Variants in PEX5L observed in about 807,000 individuals in gnomAD.
PEX5L encodes peroxisomal biogenesis factor 5 like.
Under a neutral mutation model 84.0 loss-of-function variants are expected in PEX5L, and 30 were observed. The ratio of observed to expected loss-of-function variants is 0.36; its 90% confidence interval spans 0.27 to 0.48. The LOEUF (loss-of-function observed/expected upper bound fraction) is 0.48, where lower values mean the gene tolerates loss of function less well. PEX5L is among the 20% of genes least tolerant of loss of function. The pLI is 0.99. For missense variants in PEX5L, 533 were observed against 754.6 expected (o/e 0.71, Z 3.44); for synonymous variants, 270 against 283.1 (o/e 0.95, Z 0.46).
intron 2 of PEX5L, among the ~76,000 whole-genome samples, chr3:179,911,227 T>G (rs1386612508): frequency 6.6e-6 from 1 of 152,184 alleles, no homozygotes; most frequent in Non-Finnish European, 1.5e-5. Flanking sequence ...TCTCGTGTGT[T>G]ATTCTGTTTG....
chr3:179,931,738 T>C (rs1350614172), intron 2 of PEX5L, among the ~76,000 whole-genome samples: 1 of 152,206 alleles, frequency 6.6e-6, no homozygotes, highest in African/African-American at 2.4e-5. Flanking sequence ...TTAACTCGAA[T>C]GTTAACCAGA....
Position 179,986,147 on chromosome 3 carries a change from C to T in PEX5L, c.22-14482G>A, listed in dbSNP as rs1028866134. Among the ~76,000 whole-genome samples, 73 of 148,068 alleles carry T rather than the reference C, an allele frequency of 4.9e-4. 1 individual carries two copies. Among genetic ancestry groups the T allele is most frequent in the Admixed American group, 4.8e-4 (7 of 14,724 alleles). ...TAATAATAACTGACATTGATAGGAA[C>T]AATCTCATGTAATTTAAAATATATA... is the stretch of plus-strand genomic sequence containing the variant. On this transcript the variant is annotated intron_variant, in intron 1 of 14. Coordinates refer to ENST00000467460, the MANE Select transcript of PEX5L (RefSeq NM_016559.3).
intron 8 of PEX5L, among the ~76,000 whole-genome samples, chr3:179,831,450 A>C (rs994842351): frequency 1.7e-4 from 26 of 152,182 alleles, no homozygotes; most frequent in African/African-American, 6.0e-4. Flanking sequence ...CAAAGTAATC[A>C]TATTACACTT....
At chr3:179,949,878 A>G (rs984463097) in intron 2 of PEX5L, among the ~76,000 whole-genome samples, 1 of 152,164 alleles carries the variant, frequency 6.6e-6, no homozygotes, top group Non-Finnish European at 1.5e-5. Flanking sequence ...CTACCTTAAG[A>G]GGGCTGGCAA....
chr3:179,950,876 C>T (rs531374979), intron 2 of PEX5L, among the ~76,000 whole-genome samples: 11 of 152,230 alleles, frequency 7.2e-5, no homozygotes, highest in Middle Eastern at 3.4e-3. Flanking sequence ...TATTCTGAAA[C>T]GGAGACGTAA....
rs1199146361 is a variant in PEX5L at position 179,942,013 on chromosome 3, T to G, written c.93+29581A>C. Among the ~76,000 whole-genome samples the G allele has an allele frequency of 5.4e-5, 3 of 55,488 alleles. No homozygotes were observed. In the Admixed American group the frequency reaches 7.1e-4, roughly 13 times the overall value. The allele number at this position is 55,488 out of a possible 152,430, so 36.4% of individuals were successfully genotyped here. The stretch of plus-strand genomic sequence containing the variant: ...TCCAACCTGGGTGACAGAGTGAGAC[T>G]CCTCAAAAAAAAAAAAAAAAAAAGA... On this transcript the variant is annotated intron_variant, in intron 2 of 14. Coordinates refer to ENST00000467460, the MANE Select transcript of PEX5L (RefSeq NM_016559.3).
chr3:179,945,138 G>C (rs775269459), intron 2 of PEX5L, among the ~76,000 whole-genome samples: 1 of 152,156 alleles, frequency 6.6e-6, no homozygotes. Context: ...TAATCGTATA[G>C]AGCCAAGTTT....
rs142151386 is a variant in PEX5L at position 179,887,839 on chromosome 3, T to G, written c.199-55A>C. On this transcript the variant is annotated intron_variant, in intron 3 of 14. Coordinates refer to ENST00000467460, the MANE Select transcript of PEX5L (RefSeq NM_016559.3). ...GGCTTTGTTAAACTGCAGAGTCAGA[T>G]GAATTAAAATGCAGCCTTGCAACAA... The G allele has an allele frequency of 2.5e-4, 283 of 1,117,094 alleles. 4 individuals carry two copies. The highest frequency in any genetic ancestry group is 2.3e-3 in the South Asian group (174 of 76,860). The allele number at this position is 1,117,094 out of a possible 1,614,324, so 69.2% of individuals were successfully genotyped here. A position where few individuals can be genotyped will look rare whatever the true frequency, so the allele number is the denominator to read the frequency against.
rs140923721 is a variant in PEX5L at position 179,895,039 on chromosome 3, T to C, written c.198+3103A>G. Among the ~76,000 whole-genome samples, 228 of 152,242 alleles carry C rather than the reference T, an allele frequency of 1.5e-3. 1 individual carries two copies. The highest frequency in any genetic ancestry group is 5.4e-3 in the African/African-American group (223 of 41,544). On this transcript the variant is annotated intron_variant, in intron 3 of 14. Coordinates refer to ENST00000467460, the MANE Select transcript of PEX5L (RefSeq NM_016559.3). Reference sequence around the variant, plus strand: ...CTCAAATTGAATTTGTTTATACTATTACCCTTTAGAATAGAATATTCTGTT... The same window carrying C: ...CTCAAATTGAATTTGTTTATACTATCACCCTTTAGAATAGAATATTCTGTT...
In PEX5L at chr3:179,826,424, C is replaced by G. The variant is rs555614096; in HGVS notation, c.823-6448G>C. Reference sequence around the variant, plus strand: ...CACATGATTATATCTGTGTTCTTGGCTCCTGTGGTATTTGCCTTCACAAAA... The same window carrying G: ...CACATGATTATATCTGTGTTCTTGGGTCCTGTGGTATTTGCCTTCACAAAA... On this transcript the variant is annotated intron_variant, in intron 8 of 14. Coordinates refer to ENST00000467460, the MANE Select transcript of PEX5L (RefSeq NM_016559.3). Among the ~76,000 whole-genome samples, 59 of 152,266 alleles carry G rather than the reference C, an allele frequency of 3.9e-4. 1 individual carries two copies. The highest frequency in any genetic ancestry group is 1.4e-3 in the African/African-American group (58 of 41,558).
chr3:179,915,268 T>C (rs913486496), intron 2 of PEX5L, among the ~76,000 whole-genome samples: 2 of 152,174 alleles, frequency 1.3e-5, no homozygotes, highest in African/African-American at 4.8e-5. Context: ...CCAGAATCCA[T>C]AGAAATCTTG....
intron 1 of PEX5L, among the ~76,000 whole-genome samples, chr3:180,025,955 G>A (rs1016054716): frequency 1.5e-4 from 23 of 152,256 alleles, no homozygotes; most frequent in African/African-American, 5.3e-4. Flanking sequence ...GAGGAAAGCG[G>A]GGGTTAGGGA....
At chr3:180,000,344 T>C (rs1219476688) in intron 1 of PEX5L, among the ~76,000 whole-genome samples, 1 of 152,044 alleles carries the variant, frequency 6.6e-6, no homozygotes, top group Non-Finnish European at 1.5e-5. Flanking sequence ...TAAGGAAGAG[T>C]ATGCATGGAA....
chr3:179,953,408 A>G (rs1017695449), intron 2 of PEX5L, among the ~76,000 whole-genome samples: 5 of 152,230 alleles, frequency 3.3e-5, no homozygotes, highest in Non-Finnish European at 7.3e-5. Flanking sequence ...ATTTACAAGA[A>G]AAAAACAACC....
chr3:179,897,872 C>T (rs947954060), intron 3 of PEX5L, among the ~76,000 whole-genome samples: 3 of 151,894 alleles, frequency 2.0e-5, no homozygotes, highest in Non-Finnish European at 4.4e-5. Context: ...AAAGAAGCAA[C>T]ATGTTTTACT....
At chr3:179,833,176 G>A (rs997817269) in intron 8 of PEX5L, among the ~76,000 whole-genome samples, 1 of 152,206 alleles carries the variant, frequency 6.6e-6, no homozygotes, top group African/African-American at 2.4e-5. Flanking sequence ...TGATTACAGT[G>A]GGAATGGAGA....
intron 1 of PEX5L, among the ~76,000 whole-genome samples, chr3:180,015,398 G>A (rs1355575413): frequency 1.3e-5 from 2 of 152,128 alleles, no homozygotes; most frequent in African/African-American, 2.4e-5. Context: ...TCTCCAAAAC[G>A]AGGTGTGTGT....
At chr3:180,015,187 C>T (rs971425321) in intron 1 of PEX5L, among the ~76,000 whole-genome samples, 10 of 152,110 alleles carry the variant, frequency 6.6e-5, no homozygotes, top group African/African-American at 2.4e-4. Context: ...CTCCGTAAAC[C>T]CCTTGAGGAC....
intron 2 of PEX5L, among the ~76,000 whole-genome samples, chr3:179,955,012 C>A (rs1460188203): frequency 6.6e-6 from 1 of 152,062 alleles, no homozygotes; most frequent in African/African-American, 2.4e-5. Context: ...GACCTCTGCA[C>A]AAGCTGATTC....
Sources: allele counts gnomAD v4.1 joint callset (sites outside exome capture counted in the v4.1 genomes callset), GRCh38; gene constraint gnomAD v4.1.1; transcripts MANE v1.5; gene names NCBI Gene and HGNC (gene_info 2026-07-23, HGNC 2026-07-21).